ADAMTS18: variants seen among roughly 807,000 people sequenced by gnomAD.
ADAMTS18 encodes A disintegrin and metalloproteinase with thrombospondin motifs 18.
ADAMTS18 carries 157 observed loss-of-function variants against 165.9 expected under a neutral mutation model. The ratio of observed to expected loss-of-function variants is 0.95; its 90% CI spans 0.83 to 1.08. ADAMTS18 has a LOEUF of 1.08. ADAMTS18 is among the 50% of genes least tolerant of loss of function. The probability of loss-of-function intolerance (pLI) is 0.00; values close to 1 mark genes in which losing one functional copy is unlikely to be tolerated. For missense variants in ADAMTS18, 2,040 were observed against 1,534.0 expected (o/e 1.33, Z -5.51); for synonymous variants, 782 against 578.2 (o/e 1.35, Z -5.06).
At position 77,293,051 on chromosome 16, in the gene ADAMTS18, C is replaced by T; in HGVS notation, c.3189+25G>A. ...AGCCAGGATGGTCTCAATCTCCTGACCCAGCAGTGACTTCTAATCCATACC... is the reference window on the plus strand; with the variant it reads ...AGCCAGGATGGTCTCAATCTCCTGATCCAGCAGTGACTTCTAATCCATACC... On this transcript the variant is annotated intron_variant, in intron 20 of 22. Transcript: ENST00000282849. 3 of 1,613,808 alleles carry T rather than the reference C, an allele frequency of 1.9e-6. No individual in the cohort carries two copies. The African/African-American group carries it at 4.0e-5, about 22-fold the overall frequency.
chr16:77,412,093 ATGGGTCTCATTCATCCACCAGG>A (rs1284875381), intron 3 of ADAMTS18, among the ~76,000 whole-genome samples: 4 of 152,072 alleles, frequency 2.6e-5, no homozygotes, highest in East Asian at 1.9e-4. Flanking sequence ...GCCCTCCCCA[ATGGGTCTCATTCATCCACCAGG>A]TGGGTCTCAT....
chr16:77,397,715 C>T (rs1219094352), intron 3 of ADAMTS18, among the ~76,000 whole-genome samples: 4 of 152,192 alleles, frequency 2.6e-5, no homozygotes, highest in African/African-American at 9.7e-5. Flanking sequence ...GCAGAGCTTA[C>T]AAAAAATGTT....
chr16:77,381,674 C>T (rs775065101), intron 3 of ADAMTS18, among the ~76,000 whole-genome samples: 2 of 152,072 alleles, frequency 1.3e-5, no homozygotes, highest in African/African-American at 2.4e-5. Flanking sequence ...TAGTGACGCA[C>T]GCCTGTAATC....
rs574055323 is a variant in ADAMTS18 at position 77,292,192 on chromosome 16, TCTAGTCCG to T, written c.3190-722_3190-715del. On this transcript the variant is annotated intron_variant, in intron 20 of 22. Coordinates refer to ENST00000282849, the MANE Select transcript of ADAMTS18 (RefSeq NM_199355.4). ...TTAGCCAGGTATAGTGGTGCATGCC[TCTAGTCCG>T]AGGCAGCAGATTACCTGAGCGAGGG... is the stretch of plus-strand genomic sequence containing the variant. Among the ~76,000 whole-genome samples the T allele has an allele frequency of 4.6e-4, 70 of 152,150 alleles. No individual in the cohort carries two copies. The South Asian group carries it at 0.014, about 31-fold the overall frequency.
At chr16:77,300,520 A>C in intron 16 of ADAMTS18, 116 bp from the exon 17 acceptor site, 2 of 1,170,388 alleles carry the variant, frequency 1.7e-6, no homozygotes, top group Non-Finnish European at 1.3e-6. Flanking sequence ...TAACATTGGT[A>C]TACTTCATTG....
chr16:77,376,048 C>A (rs1418302966), intron 3 of ADAMTS18, among the ~76,000 whole-genome samples: 1 of 151,962 alleles, frequency 6.6e-6, no homozygotes, highest in East Asian at 1.9e-4. Flanking sequence ...GGATTACAGG[C>A]ATGGGCCACC....
At chr16:77,342,589 C>A (rs1438399073) in intron 10 of ADAMTS18, among the ~76,000 whole-genome samples, 1 of 152,140 alleles carries the variant, frequency 6.6e-6, no homozygotes, top group African/African-American at 2.4e-5. Flanking sequence ...CCAGGCCTGG[C>A]CACCTTCTTC....
chr16:77,349,310 T>C (rs1468025026), intron 10 of ADAMTS18, among the ~76,000 whole-genome samples: 3 of 152,076 alleles, frequency 2.0e-5, no homozygotes, highest in Admixed American at 6.5e-5. Context: ...ACCTCCCCCA[T>C]ATTTTGCCCA....
intron 2 of ADAMTS18, among the ~76,000 whole-genome samples, chr16:77,433,837 G>T (rs2057766147): frequency 6.6e-6 from 1 of 152,080 alleles, no homozygotes; most frequent in Non-Finnish European, 1.5e-5. Flanking sequence ...GGATTTTCTG[G>T]AAGTTTGTGG....
At chr16:77,344,598 T>C (rs1348904538) in intron 10 of ADAMTS18, among the ~76,000 whole-genome samples, 1 of 152,058 alleles carries the variant, frequency 6.6e-6, no homozygotes, top group African/African-American at 2.4e-5. Context: ...GAAAAAGCCA[T>C]AACCCACACC....
At chr16:77,306,940 C>T (rs1216956728) in intron 16 of ADAMTS18, among the ~76,000 whole-genome samples, 2 of 152,170 alleles carry the variant, frequency 1.3e-5, no homozygotes, top group Non-Finnish European at 2.9e-5. Context: ...CTTTGAAACA[C>T]CAAGCCCAGG....
At chr16:77,425,775 G>A (rs1295084910) in intron 3 of ADAMTS18, among the ~76,000 whole-genome samples, 1 of 152,142 alleles carries the variant, frequency 6.6e-6, no homozygotes, top group Non-Finnish European at 1.5e-5. Context: ...GGGCACGGTG[G>A]CTCACACCTG....
intron 3 of ADAMTS18, among the ~76,000 whole-genome samples, chr16:77,376,326 C>T (rs1361010339): frequency 6.6e-6 from 1 of 152,170 alleles, no homozygotes; most frequent in African/African-American, 2.4e-5. Context: ...GGGAAATCCA[C>T]CCCCAAGATC....
intron 16 of ADAMTS18, among the ~76,000 whole-genome samples, chr16:77,309,316 A>C (rs1011095292): frequency 2.6e-5 from 4 of 152,154 alleles, no homozygotes. Flanking sequence ...TACGTATTTC[A>C]AGATCAAAAA....
intron 12 of ADAMTS18, among the ~76,000 whole-genome samples, chr16:77,327,334 C>G (rs1243392679): frequency 6.6e-6 from 1 of 152,152 alleles, no homozygotes; most frequent in East Asian, 1.9e-4. Flanking sequence ...CTTGCCACCC[C>G]CTACCCTTTC....
chr16:77,341,883 T>C (rs1045049820), intron 10 of ADAMTS18, 84 bp from the exon 11 acceptor site: 8 of 1,082,228 alleles, frequency 7.4e-6, no homozygotes, highest in African/African-American at 6.3e-5. Flanking sequence ...TATAATATTA[T>C]ATTTTGGGGT....
rs1002190425 is a variant in ADAMTS18 at position 77,434,739 on chromosome 16, G to A, written c.-44C>T. On this transcript the variant is annotated 5_prime_UTR_variant, in exon 1 of 23. Coordinates refer to ENST00000282849, the MANE Select transcript of ADAMTS18 (RefSeq NM_199355.4). ...CGGCTGCGGGTGGCCAGACGCGGCA[G>A]GCGGAGCGCACGGGCGGCGCGCATT... The A allele has an allele frequency of 2.2e-6, 3 of 1,385,732 alleles. No individual in the cohort carries two copies. The highest frequency in any genetic ancestry group is 9.4e-7 in the Non-Finnish European group (1 of 1,068,056). The allele number at this position is 1,385,732 out of a possible 1,614,324, so 85.8% of individuals were successfully genotyped here.
At chr16:77,314,783 T>TATAA (rs1322645955) in intron 16 of ADAMTS18, among the ~76,000 whole-genome samples, 1 of 90,644 alleles carries the variant, frequency 1.1e-5, no homozygotes, top group Non-Finnish European at 2.3e-5. Flanking sequence ...TATATATATA[T>TATAA]ATAAAATATA....
intron 17 of ADAMTS18, among the ~76,000 whole-genome samples, chr16:77,298,162 C>T (rs771812482): frequency 2.0e-5 from 3 of 151,902 alleles, no homozygotes; most frequent in Non-Finnish European, 2.9e-5. Flanking sequence ...AGTGATTCAC[C>T]GGCCTCAGCC....
Sources: gnomAD v4.1 joint callset for allele counts (sites outside exome capture counted in the v4.1 genomes callset) on GRCh38, gnomAD v4.1.1 for gene constraint, MANE v1.5 for transcripts, NCBI Gene and HGNC (gene_info 2026-07-23, HGNC 2026-07-21) for gene names.